JAM2: variants seen among roughly 807,000 people sequenced by gnomAD.
JAM2 encodes junctional adhesion molecule B.
In JAM2, 17 loss-of-function variants were observed where a neutral mutation model predicts 42.0. The ratio of observed to expected loss-of-function variants is 0.40; its 90% CI spans 0.28 to 0.61. The LOEUF (loss-of-function observed/expected upper bound fraction) is 0.61, where lower values mean the gene tolerates loss of function less well. Among genes scored for constraint, JAM2 ranks in the 20% least tolerant of loss-of-function variants. The pLI, the probability that JAM2 is intolerant of heterozygous loss-of-function variation, is 0.37. For missense variants in JAM2, 319 were observed against 358.3 expected, an observed-to-expected ratio of 0.89 and a Z score of 0.89; for synonymous variants, 118 against 128.6, an observed-to-expected ratio of 0.92 and a Z score of 0.56.
At chr21:25,657,963 A>G (rs985390208) in intron 1 of JAM2, among the ~76,000 whole-genome samples, 14 of 152,244 alleles carry the variant, frequency 9.2e-5, no homozygotes, top group Non-Finnish European at 1.9e-4. Flanking sequence ...ATAGCATGTT[A>G]TAAACTTTTT....
intron 3 of JAM2, 28 bp downstream of exon 3, chr21:25,690,001 T>G: frequency 7.2e-7 from 1 of 1,386,870 alleles, no homozygotes; most frequent in Non-Finnish European, 1.0e-6. Context: ...TGAAGAGGTG[T>G]GAGCAAGAGA....
intron 1 of JAM2, among the ~76,000 whole-genome samples, chr21:25,664,714 C>T (rs958314971): frequency 6.6e-6 from 1 of 152,212 alleles, no homozygotes; most frequent in Admixed American, 6.5e-5. Flanking sequence ...TGGACTTTTT[C>T]TCTCTTATTC....
At chr21:25,704,487 G>C (rs1036756412) in intron 6 of JAM2, among the ~76,000 whole-genome samples, 1 of 152,162 alleles carries the variant, frequency 6.6e-6, no homozygotes, top group South Asian at 2.1e-4. Context: ...CACTTAAACA[G>C]TATCTCTAAA....
intron 1 of JAM2, among the ~76,000 whole-genome samples, chr21:25,672,431 C>T (rs1005495776): frequency 2.0e-5 from 3 of 152,254 alleles, no homozygotes; most frequent in Middle Eastern, 3.4e-3. Flanking sequence ...TAACCACTTG[C>T]CCAGAGCTGA....
At chr21:25,695,340 C>T (rs568827851) in intron 4 of JAM2, among the ~76,000 whole-genome samples, 1 of 152,370 alleles carries the variant, frequency 6.6e-6, no homozygotes. Flanking sequence ...AAGAATTTTT[C>T]TTAGTACAGA....
chr21:25,709,490 C>T, intron 8 of JAM2, 41 bp downstream of exon 8: 1 of 1,346,338 alleles, frequency 7.4e-7, no homozygotes, highest in South Asian at 1.4e-5. Flanking sequence ...TCTCCTATGT[C>T]AACTAATTTT....
intron 1 of JAM2, among the ~76,000 whole-genome samples, chr21:25,672,841 C>T (rs553651348): frequency 3.1e-4 from 47 of 152,284 alleles, no homozygotes; most frequent in Non-Finnish European, 6.0e-4. Flanking sequence ...TTAGGGCCAT[C>T]GTTTTGTTTT....
intron 1 of JAM2, among the ~76,000 whole-genome samples, chr21:25,663,969 A>G (rs557526043): frequency 6.6e-6 from 1 of 152,114 alleles, no homozygotes; most frequent in Non-Finnish European, 1.5e-5. Context: ...TGTATCTTCA[A>G]CTTATCTTCA....
intron 9 of JAM2, among the ~76,000 whole-genome samples, 163 bp downstream of exon 9, chr21:25,712,545 C>A (rs1033533316): frequency 6.6e-6 from 1 of 152,140 alleles, no homozygotes; most frequent in Non-Finnish European, 1.5e-5. Flanking sequence ...AGCTTCTGTA[C>A]CCTGTCTAGG....
intron 1 of JAM2, among the ~76,000 whole-genome samples, chr21:25,666,753 C>T (rs756706661): frequency 1.3e-5 from 2 of 152,134 alleles, no homozygotes; most frequent in Non-Finnish European, 2.9e-5. Flanking sequence ...CCAGACTGGT[C>T]TCAAACTCCT....
chr21:25,639,921 C>T, intron 1 of JAM2, 33 bp downstream of exon 1: 1 of 1,462,950 alleles, frequency 6.8e-7, no homozygotes, highest in Non-Finnish European at 9.4e-7. Flanking sequence ...CCCTTCCTGC[C>T]TGGACCAGCC....
intron 1 of JAM2, among the ~76,000 whole-genome samples, chr21:25,670,240 T>C (rs1375987564): frequency 6.6e-6 from 1 of 152,098 alleles, no homozygotes; most frequent in African/African-American, 2.4e-5. Context: ...TCCCAGCACT[T>C]TGGGAGGCCG....
intron 4 of JAM2, 152 bp downstream of exon 4, chr21:25,694,060 C>A: frequency 1.4e-6 from 1 of 698,354 alleles, no homozygotes; most frequent in Non-Finnish European, 2.3e-6. Flanking sequence ...ACCTTCCTGG[C>A]AATCTCCTGG....
intron 1 of JAM2, among the ~76,000 whole-genome samples, chr21:25,661,768 T>A (rs1168485754): frequency 6.6e-6 from 1 of 152,140 alleles, no homozygotes; most frequent in Non-Finnish European, 1.5e-5. Context: ...GAATGCAAAT[T>A]ACATGTATTT....
At chr21:25,689,722 C>G (rs546018277) in intron 2 of JAM2, 144 bp from the exon 3 acceptor site, 3 of 576,736 alleles carry the variant, frequency 5.2e-6, no homozygotes, top group East Asian at 5.9e-5. Context: ...ATTCATGGGA[C>G]CTGTTGATGT....
intron 1 of JAM2, among the ~76,000 whole-genome samples, chr21:25,654,622 T>C (rs954633011): frequency 1.5e-5 from 2 of 133,438 alleles, no homozygotes; most frequent in African/African-American, 5.7e-5. Context: ...CACTCTAGCC[T>C]GGGCAACAGA....
intron 1 of JAM2, among the ~76,000 whole-genome samples, chr21:25,640,965 G>T (rs1367403322): frequency 6.6e-6 from 1 of 152,242 alleles, no homozygotes; most frequent in East Asian, 1.9e-4. Flanking sequence ...TCACGCCCTC[G>T]CTGCCCAAGT....
chr21:25,691,484 T>C (rs1169865746), intron 3 of JAM2, among the ~76,000 whole-genome samples: 2 of 152,200 alleles, frequency 1.3e-5, no homozygotes, highest in Non-Finnish European at 2.9e-5. Flanking sequence ...AGCCTTCCAA[T>C]TGGCTGGGAC....
intron 3 of JAM2, chr21:25,692,640 A>C (rs1466537599): frequency 6.6e-6 from 1 of 152,154 alleles, no homozygotes; most frequent in Non-Finnish European, 1.5e-5. Flanking sequence ...TACATGAATG[A>C]ACTTATTATT....
Sources: gnomAD v4.1 joint callset for allele counts (sites outside exome capture counted in the v4.1 genomes callset) on GRCh38, gnomAD v4.1.1 for gene constraint, MANE v1.5 for transcripts, NCBI Gene and HGNC (gene_info 2026-07-23, HGNC 2026-07-21) for gene names.